The following IMMP2L variants were observed in gnomAD, a reference collection of about 807,000 sequenced individuals.
The protein encoded by IMMP2L is mitochondrial inner membrane protease subunit 2.
IMMP2L carries 18 observed loss-of-function variants against 19.3 expected under a neutral mutation model. The observed-to-expected ratio is 0.93, with a 90% CI of 0.64 to 1.38. The LOEUF (loss-of-function observed/expected upper bound fraction) is 1.38, where lower values mean the gene tolerates loss of function less well. Ranked by LOEUF, IMMP2L falls within the 40% of genes most tolerant of loss-of-function variation. IMMP2L has a pLI of 0.00. For synonymous variants in IMMP2L, 76 were observed against 73.0 expected, an observed-to-expected ratio of 1.04 and a Z score of -0.21; for missense variants, 233 against 218.2, an observed-to-expected ratio of 1.07 and a Z score of -0.43.
intron 2 of IMMP2L, among the ~76,000 whole-genome samples, chr7:111,488,369 A>G (rs1842823877): frequency 6.6e-6 from 1 of 152,000 alleles, no homozygotes; most frequent in Non-Finnish European, 1.5e-5. Flanking sequence ...CCAAAGTCCA[A>G]TGTGTCATTC....
intron 3 of IMMP2L, among the ~76,000 whole-genome samples, chr7:111,298,314 C>G: frequency 6.6e-6 from 1 of 152,158 alleles, no homozygotes; most frequent in East Asian, 1.9e-4. Context: ...GGGCAAATTA[C>G]TTAATCTTTC....
chr7:111,332,993 C>CAA (rs1826026566), intron 3 of IMMP2L, among the ~76,000 whole-genome samples: 2 of 151,958 alleles, frequency 1.3e-5, no homozygotes, highest in Admixed American at 6.6e-5. Flanking sequence ...CTTAGTATTA[C>CAA]CATGCCCTCT....
chr7:111,102,799 C>T (rs1408844561), intron 3 of IMMP2L, among the ~76,000 whole-genome samples: 2 of 151,542 alleles, frequency 1.3e-5, no homozygotes, highest in Non-Finnish European at 3.0e-5. Flanking sequence ...CCATTCTTCA[C>T]TAATCCTCTT....
intron 3 of IMMP2L, among the ~76,000 whole-genome samples, chr7:111,031,934 AT>A (rs57560784): frequency 0.23 from 24,841 of 107,564 alleles, 2,117 homozygotes; most frequent in East Asian, 0.51. Context: ...AACACCAGAG[AT>A]TTTTTTTTTT....
chr7:110,751,663 A>G (rs1797727014), intron 5 of IMMP2L, among the ~76,000 whole-genome samples: 1 of 152,064 alleles, frequency 6.6e-6, no homozygotes, highest in Non-Finnish European at 1.5e-5. Context: ...GTTAGTAACC[A>G]GGAAATTCTA....
At chr7:111,426,410 G>A (rs17158571) in intron 3 of IMMP2L, among the ~76,000 whole-genome samples, 3,918 of 150,550 alleles carry the variant, frequency 0.026, 271 homozygotes, top group African/African-American at 0.091. Flanking sequence ...ACCACTGAGA[G>A]GTTTTTTGCA....
intron 3 of IMMP2L, among the ~76,000 whole-genome samples, chr7:111,383,028 T>C (rs1831357079): frequency 6.6e-6 from 1 of 151,936 alleles, no homozygotes. Flanking sequence ...TATACTCTAC[T>C]ACACAAAAAA....
intron 5 of IMMP2L, among the ~76,000 whole-genome samples, chr7:110,720,586 C>T (rs186120991): frequency 6.6e-6 from 1 of 152,166 alleles, no homozygotes; most frequent in Admixed American, 6.5e-5. Flanking sequence ...TACAATAAAA[C>T]AATTTAAATT....
Position 111,239,343 on chromosome 7 carries a change from A to G in IMMP2L, c.239+247895T>C, listed in dbSNP as rs575380924. On this transcript the variant is annotated intron_variant, in intron 3 of 5. Coordinates refer to ENST00000405709, the MANE Select transcript of IMMP2L (RefSeq NM_032549.4). ...TTCCATCTCCTAGGCCCTAATTTCAACAAAGTCTATTCAAACGAATTAACA... is the reference window on the plus strand; with the variant it reads ...TTCCATCTCCTAGGCCCTAATTTCAGCAAAGTCTATTCAAACGAATTAACA... 6.6e-5 allele frequency among the ~76,000 whole-genome samples: 10 copies of G among 152,020 alleles called. No homozygotes were observed. In the South Asian group the frequency reaches 2.1e-3, roughly 31 times the overall value.
intron 3 of IMMP2L, among the ~76,000 whole-genome samples, chr7:111,322,471 T>C (rs1824830977): frequency 6.6e-6 from 1 of 151,776 alleles, no homozygotes; most frequent in Non-Finnish European, 1.5e-5. Context: ...CAATGAAATG[T>C]TGAAGTAGAA....
chr7:111,105,776 A>C (rs1798481495), intron 3 of IMMP2L, among the ~76,000 whole-genome samples: 1 of 151,946 alleles, frequency 6.6e-6, no homozygotes, highest in Admixed American at 6.6e-5. Flanking sequence ...AAAATCCATA[A>C]AAATATAAAA....
chr7:111,161,748 T>C (rs1315394736), intron 3 of IMMP2L, among the ~76,000 whole-genome samples: 1 of 151,974 alleles, frequency 6.6e-6, no homozygotes, highest in East Asian at 1.9e-4. Flanking sequence ...CTCAAAATAG[T>C]AGCGAACAGA....
chr7:111,355,045 G>C (rs1442307317), intron 3 of IMMP2L, among the ~76,000 whole-genome samples: 1 of 151,806 alleles, frequency 6.6e-6, no homozygotes, highest in Non-Finnish European at 1.5e-5. Context: ...ACGTACTAAT[G>C]AATTTAGTTT....
rs962836118 is a variant in IMMP2L, at chr7:110,752,165, T to G, written c.409-88444A>C. 2.6e-5 allele frequency among the ~76,000 whole-genome samples: 4 copies of G among 152,112 alleles called. No individual in the cohort carries two copies. The East Asian group carries it at 7.7e-4, about 29-fold the overall frequency. On this transcript the variant is annotated intron_variant, in intron 5 of 5. Coordinates refer to ENST00000405709, the MANE Select transcript of IMMP2L (RefSeq NM_032549.4). Reference sequence around the variant, plus strand: ...GAAGAAAATAGCTCCTGGGATGGATTTTGAGGTTTAGTGCTATAGAAACGG... The same window carrying G: ...GAAGAAAATAGCTCCTGGGATGGATGTTGAGGTTTAGTGCTATAGAAACGG...
intron 3 of IMMP2L, among the ~76,000 whole-genome samples, chr7:111,381,118 A>G (rs571818216): frequency 1.3e-5 from 2 of 152,132 alleles, no homozygotes; most frequent in East Asian, 3.9e-4. Flanking sequence ...TTAACCCAGC[A>G]TATTTCTAGG....
chr7:111,007,396 T>C (rs1824407162), intron 3 of IMMP2L, among the ~76,000 whole-genome samples: 1 of 152,034 alleles, frequency 6.6e-6, no homozygotes, highest in South Asian at 2.1e-4. Flanking sequence ...ATTGCTAGGG[T>C]CAGCACCATT....
At chr7:111,501,960 T>A (rs1844313399) in intron 2 of IMMP2L, among the ~76,000 whole-genome samples, 1 of 152,064 alleles carries the variant, frequency 6.6e-6, no homozygotes, top group South Asian at 2.1e-4. Flanking sequence ...AGGACCAAAT[T>A]CACACATAAC....
chr7:110,882,800 T>C (rs1261423763), intron 5 of IMMP2L, among the ~76,000 whole-genome samples: 1 of 151,832 alleles, frequency 6.6e-6, no homozygotes, highest in Admixed American at 6.6e-5. Context: ...AGAAGCATTA[T>C]ATAGGGGAAA....
intron 1 of IMMP2L, among the ~76,000 whole-genome samples, chr7:111,525,886 G>C (rs974660962): frequency 2.0e-5 from 3 of 151,934 alleles, no homozygotes; most frequent in African/African-American, 7.3e-5. Context: ...ATTTCCAATG[G>C]ATGAGCATTA....
Sources: allele counts gnomAD v4.1 joint callset (sites outside exome capture counted in the v4.1 genomes callset), GRCh38; gene constraint gnomAD v4.1.1; transcripts MANE v1.5; gene names NCBI Gene and HGNC (gene_info 2026-07-23, HGNC 2026-07-21).